Variants in BRD1 observed in about 807,000 individuals in gnomAD.
BRD1 encodes the protein bromodomain containing 1.
Under a neutral mutation model 107.7 loss-of-function variants are expected in BRD1, and 24 were observed. The observed-to-expected ratio is 0.22, with a 90% confidence interval of 0.16 to 0.31. The LOEUF is 0.31. Among genes scored for constraint, BRD1 ranks in the 10% least tolerant of loss-of-function variants. The pLI, the probability that BRD1 is intolerant of heterozygous loss-of-function variation, is 1.00. For missense variants in BRD1, 1,279 were observed against 1,638.6 expected, an observed-to-expected ratio of 0.78 and a Z score of 3.79; for synonymous variants, 744 against 686.1, an observed-to-expected ratio of 1.08 and a Z score of -1.32.
chr22:49,823,278 T>C lies in BRD1; in HGVS notation c.1040A>G (p.Tyr347Cys). The change falls in exon 2 of 13, where the codon TAC becomes TGC. Residue 347 changes from tyrosine (Y) to cysteine (C), a missense_variant. Physicochemically the swap from Tyr to Cys is radical, Grantham distance 194. This residue lies in a region of BRD1 where 158 missense variants were observed against 310.2 expected (regional missense o/e 0.51). Transcript: ENST00000404760. ...ACIQCHKANC[Y>C]TAFHVTCAQK... ...GGCACACGTCACATGGAATGCTGTG[T>C]AGCAGTTTGCTTTGTGGCACTGGAT... 6.2e-7 allele frequency: 1 copy of C among 1,614,202 alleles called. No individual in the cohort carries two copies. Among genetic ancestry groups the C allele is most frequent in the Non-Finnish European group, 8.5e-7 (1 of 1,180,024 alleles).
intron 1 of BRD1, chr22:49,826,188 C>A: frequency 3.0e-6 from 3 of 985,480 alleles, no homozygotes; most frequent in Non-Finnish European, 3.6e-6. Context: ...CCCTCGACAG[C>A]AAAGTCCTGA....
rs199541183 is a variant in BRD1, at chr22:49,823,058, G to C, written c.1260C>G (p.Val420=). The C allele has an allele frequency of 6.2e-7, 1 of 1,614,194 alleles. No homozygotes were observed. The highest frequency in any genetic ancestry group is 8.5e-7 in the Non-Finnish European group (1 of 1,180,048). ...VCRKESSVKT[V]RSTSKVRKKA... ...TCTTCCTGACCTTGGATGTGGACCT[G>C]ACCGTTTTAACCGAGCTCTCTTTTC... is the stretch of plus-strand genomic sequence containing the variant. The change falls in exon 2 of 13, where the codon GTC becomes GTG. Residue 420 remains valine, a synonymous_variant. Coordinates refer to ENST00000404760, the MANE Select transcript of BRD1 (RefSeq NM_001304808.3).
At chr22:49,816,267 CAGG>C (rs1569133682) in intron 2 of BRD1, among the ~76,000 whole-genome samples, 1 of 152,124 alleles carries the variant, frequency 6.6e-6, no homozygotes, top group Non-Finnish European at 1.5e-5. Context: ...CACTTGGGCC[CAGG>C]AGTTCAAGGA....
chr22:49,815,184 A>G (rs1480893507), intron 2 of BRD1, among the ~76,000 whole-genome samples: 1 of 152,218 alleles, frequency 6.6e-6, no homozygotes, highest in East Asian at 1.9e-4. Flanking sequence ...AACGCAGCCC[A>G]TGCTCTGAGC....
intron 2 of BRD1, among the ~76,000 whole-genome samples, chr22:49,822,399 G>A (rs922391055): frequency 6.6e-6 from 1 of 151,616 alleles, no homozygotes; most frequent in Admixed American, 6.6e-5. Context: ...ACTCCAGCCT[G>A]GGCAACAGAG....
intron 8 of BRD1, among the ~76,000 whole-genome samples, chr22:49,781,543 C>T (rs996204042): frequency 4.6e-5 from 7 of 152,224 alleles, no homozygotes; most frequent in African/African-American, 1.7e-4. Context: ...CAGTGGCTGC[C>T]GAGACACCTG....
intron 1 of BRD1, among the ~76,000 whole-genome samples, chr22:49,825,020 C>A: frequency 6.6e-6 from 1 of 152,140 alleles, no homozygotes; most frequent in East Asian, 1.9e-4. Context: ...ACAGTCTTGG[C>A]CCCTGGGAGG....
Position 49,824,253 on chromosome 22 carries a change from A to G in BRD1, c.65T>C (p.Val22Ala). The G allele has an allele frequency of 6.2e-7, 1 of 1,613,978 alleles. No individual in the cohort carries two copies. The highest frequency in any genetic ancestry group is 1.1e-5 in the South Asian group (1 of 91,086). ...CGTTTCTCGCGTAGGGGAGTGTTTA[A>G]CACTGCATGGGGAAGAAGGATGCCT... ...AARHPSSPCS[V>A]KHSPTRETLT... Residue 22 changes from valine (V) to alanine (A), a missense_variant, in exon 2 of 13, where the codon GTT becomes GCT. Val to Ala is a moderately conservative substitution (Grantham distance 64, BLOSUM62 0). This residue lies in a region of BRD1 where 223 missense variants were observed against 263.5 expected (regional missense o/e 0.85). Coordinates refer to ENST00000404760, the MANE Select transcript of BRD1 (RefSeq NM_001304808.3). The surrounding 1 kb of genome is among the most constrained non-coding windows in gnomAD (Gnocchi z 5.9).
intron 2 of BRD1, chr22:49,820,895 C>T (rs935240214): frequency 1.3e-5 from 2 of 152,308 alleles, no homozygotes; most frequent in Non-Finnish European, 2.9e-5. Context: ...TGGCCTGAAG[C>T]ACCAGCATCT....
chr22:49,808,122 T>C (rs1395329531), intron 2 of BRD1, among the ~76,000 whole-genome samples: 1 of 152,184 alleles, frequency 6.6e-6, no homozygotes. Flanking sequence ...AAAACAGTGT[T>C]GTGGCTCCTC....
At chr22:49,794,955 G>A (rs1453090140) in intron 6 of BRD1, among the ~76,000 whole-genome samples, 1 of 152,066 alleles carries the variant, frequency 6.6e-6, no homozygotes, top group Non-Finnish European at 1.5e-5. Flanking sequence ...AAAAGAAACT[G>A]CTCCTCAGAG....
In BRD1 at chr22:49,775,762, C is replaced by T. The variant is rs201438251; in HGVS notation, c.3232-17G>A. ...GTCGATGATCTGCACGAGAAGGACC[C>T]GCTGAGGTCATTGTGAGGCTCACAC... On this transcript the variant is annotated splice_polypyrimidine_tract_variant and intron_variant, in intron 11 of 12. Transcript: ENST00000404760. 2.0e-4 allele frequency: 327 copies of T among 1,606,220 alleles called. 5 individuals carry two copies. The South Asian group carries it at 2.7e-3, about 13-fold the overall frequency.
At chr22:49,778,592 T>C (rs947345261) in intron 8 of BRD1, among the ~76,000 whole-genome samples, 1 of 152,164 alleles carries the variant, frequency 6.6e-6, no homozygotes, top group African/African-American at 2.4e-5. Flanking sequence ...AGGTCCCCCA[T>C]GGGAGTCACA....
chr22:49,789,618 G>A lies in BRD1; in HGVS notation c.2360-1731C>T, dbSNP rs5770693. Among the ~76,000 whole-genome samples the A allele has an allele frequency of 5.3e-4, 81 of 151,550 alleles. No homozygotes were observed. In the East Asian group the frequency reaches 9.1e-3, roughly 17 times the overall value. On this transcript the variant is annotated intron_variant, in intron 7 of 12. Transcript: ENST00000404760. ...GGCCTCTATGGGTGCAACAGCACCC[G>A]GCCAGCAGAGATGGAGCCTGAAGGA... is the stretch of plus-strand genomic sequence containing the variant.
chr22:49,796,434 G>A (rs974383925), intron 6 of BRD1, among the ~76,000 whole-genome samples: 4 of 150,748 alleles, frequency 2.7e-5, no homozygotes, highest in Admixed American at 6.6e-5. Flanking sequence ...TCCGCTCACT[G>A]CAGCCTCCAC....
chr22:49,804,259 G>C lies in BRD1; in HGVS notation c.1469C>G (p.Ala490Gly), dbSNP rs781782274. 3 of 1,609,396 alleles carry C rather than the reference G, an allele frequency of 1.9e-6. No homozygotes were observed. The highest frequency in any genetic ancestry group is 2.5e-6 in the Non-Finnish European group (3 of 1,177,850). The change falls in exon 3 of 13, where the codon GCC (alanine) becomes GGC (glycine). Residue 490 changes from alanine (A) to glycine (G), a missense_variant. Ala to Gly is a moderately conservative substitution (Grantham distance 60, BLOSUM62 0). Transcript: ENST00000404760. ...GGACTGCAGCCGCCGCAGCAGGGGGGCCCCGTTCCTGGACAGCCGCTTGAG... is the reference window on the plus strand; with the variant it reads ...GGACTGCAGCCGCCGCAGCAGGGGGCCCCCGTTCCTGGACAGCCGCTTGAG... ...WLLKRLSRNG[A>G]PLLRRLQSSL...
chr22:49,775,833 A>G (rs62231968), intron 11 of BRD1, 88 bp from the exon 12 acceptor site: 33 of 552,354 alleles, frequency 6.0e-5, no homozygotes, highest in Middle Eastern at 9.0e-4. Context: ...CCGCCTCCCC[A>G]CCCCAGCTGT....
At chr22:49,795,852 T>A (rs1422320182) in intron 6 of BRD1, among the ~76,000 whole-genome samples, 1 of 152,184 alleles carries the variant, frequency 6.6e-6, no homozygotes, top group Non-Finnish European at 1.5e-5. Flanking sequence ...GGGCTCACTC[T>A]GAGGCGGCTC....
At chr22:49,784,966 A>T (rs1457285829) in intron 8 of BRD1, among the ~76,000 whole-genome samples, 1 of 152,196 alleles carries the variant, frequency 6.6e-6, no homozygotes, top group African/African-American at 2.4e-5. Context: ...GAAATGAGAG[A>T]GCAGAAATCT....
Sources: gnomAD v4.1 joint callset for allele counts (sites outside exome capture counted in the v4.1 genomes callset) on GRCh38, gnomAD v4.1.1 for gene constraint, gnomAD v4.1.1 regional missense constraint, Gnocchi (gnomAD v3.1) non-coding constraint, MANE v1.5 for transcripts, NCBI Gene and HGNC (gene_info 2026-07-23, HGNC 2026-07-21) for gene names.